Variants in ZNF407 observed in about 807,000 individuals in gnomAD.
ZNF407 encodes zinc finger protein 407.
Under a neutral mutation model 131.2 loss-of-function variants are expected in ZNF407, and 17 were observed. The observed-to-expected ratio is 0.13, with a 90% CI of 0.09 to 0.19. The LOEUF is 0.19. ZNF407 is among the 10% of genes least tolerant of loss of function. The pLI is 1.00. For missense variants in ZNF407, 2,681 were observed against 2,830.6 expected (o/e 0.95, Z 1.20); for synonymous variants, 1,156 against 1,062.0 (o/e 1.09, Z -1.72).
chr18:74,752,568 G>A (rs1200619184), intron 3 of ZNF407, among the ~76,000 whole-genome samples: 1 of 152,146 alleles, frequency 6.6e-6, no homozygotes, highest in Non-Finnish European at 1.5e-5. Flanking sequence ...GTAAGGAAGG[G>A]ATCCAGTTTC....
At chr18:74,713,416 G>T (rs1967816662) in intron 3 of ZNF407, among the ~76,000 whole-genome samples, 1 of 108,144 alleles carries the variant, frequency 9.2e-6, no homozygotes, top group Admixed American at 1.3e-4. Context: ...TATTGTGTTA[G>T]TATTATGTGA....
intron 8 of ZNF407, among the ~76,000 whole-genome samples, chr18:74,926,200 T>C (rs911157221): frequency 1.3e-5 from 2 of 152,202 alleles, no homozygotes; most frequent in Non-Finnish European, 2.9e-5. Flanking sequence ...TCAACACATT[T>C]GGTATTTTGA....
chr18:74,830,777 T>C (rs1369868862), intron 4 of ZNF407, among the ~76,000 whole-genome samples: 3 of 152,196 alleles, frequency 2.0e-5, no homozygotes, highest in Non-Finnish European at 4.4e-5. Context: ...GGACATTCAG[T>C]GTCTTCCTTG....
At chr18:74,610,528 T>C (rs797019070) in intron 1 of ZNF407, among the ~76,000 whole-genome samples, 6 of 152,252 alleles carry the variant, frequency 3.9e-5, no homozygotes, top group African/African-American at 1.2e-4. Context: ...TTTTTTAGAA[T>C]AGGACTTAAA....
At chr18:74,939,508 A>G (rs1162417354) in intron 8 of ZNF407, among the ~76,000 whole-genome samples, 1 of 152,222 alleles carries the variant, frequency 6.6e-6, no homozygotes, top group Non-Finnish European at 1.5e-5. Context: ...ATTTTTTAAA[A>G]GACGGATCTG....
chr18:74,608,831 T>G (rs188236169), intron 1 of ZNF407, among the ~76,000 whole-genome samples: 1 of 152,194 alleles, frequency 6.6e-6, no homozygotes, highest in Admixed American at 6.5e-5. Flanking sequence ...GTGCATCATA[T>G]GAGGAGGTAT....
chr18:75,064,571 G>A lies in ZNF407; in HGVS notation c.*103G>A. Reference sequence around the variant, plus strand: ...TCATCTGAAACCTTCAAAACCATGAGGACAAGGCTCCCGTGAGCTCTGAGC... The same window carrying A: ...TCATCTGAAACCTTCAAAACCATGAAGACAAGGCTCCCGTGAGCTCTGAGC... On this transcript the variant is annotated 3_prime_UTR_variant, in exon 9 of 9. Coordinates refer to ENST00000299687, the MANE Select transcript of ZNF407 (RefSeq NM_017757.3). The A allele has an allele frequency of 9.0e-7, 1 of 1,113,454 alleles. No homozygotes were observed. The highest frequency in any genetic ancestry group is 1.2e-6 in the Non-Finnish European group (1 of 805,134). The allele number at this position is 1,113,454 out of a possible 1,614,324, so 69.0% of individuals were successfully genotyped here.
chr18:74,958,585 C>T (rs1206322179), intron 8 of ZNF407, among the ~76,000 whole-genome samples: 4 of 152,006 alleles, frequency 2.6e-5, no homozygotes, highest in Non-Finnish European at 4.4e-5. Flanking sequence ...TTGGGTTTGA[C>T]GAGGAGTCCG....
At chr18:75,007,024 C>T (rs929446139) in intron 8 of ZNF407, among the ~76,000 whole-genome samples, 1 of 151,610 alleles carries the variant, frequency 6.6e-6, no homozygotes, top group South Asian at 2.1e-4. Context: ...TCACATGATG[C>T]CTCTTTTTCA....
chr18:74,828,171 G>A (rs1241960690), intron 4 of ZNF407, among the ~76,000 whole-genome samples: 1 of 152,174 alleles, frequency 6.6e-6, no homozygotes, highest in African/African-American at 2.4e-5. Flanking sequence ...GACGACCAGA[G>A]TGAGATTCTT....
At chr18:74,904,231 T>C (rs1234549538) in intron 7 of ZNF407, among the ~76,000 whole-genome samples, 1 of 152,238 alleles carries the variant, frequency 6.6e-6, no homozygotes, top group African/African-American at 2.4e-5. Context: ...AAGTTTTATT[T>C]TACTTCTATG....
chr18:74,795,365 G>A lies in ZNF407; in HGVS notation c.4877+13863G>A, dbSNP rs189591275. Among the ~76,000 whole-genome samples, 499 of 152,212 alleles carry A rather than the reference G, an allele frequency of 3.3e-3. 2 individuals carry two copies. Among genetic ancestry groups the A allele is most frequent in the African/African-American group, 0.011 (459 of 41,526 alleles). On this transcript the variant is annotated intron_variant, in intron 4 of 8. Coordinates refer to ENST00000299687, the MANE Select transcript of ZNF407 (RefSeq NM_017757.3). ...TTTGTCATTCTATAACATTTTAAAA[G>A]TAAAGTTCATTTTAACTCTACTACA...
At chr18:74,927,251 A>G (rs907493779) in intron 8 of ZNF407, among the ~76,000 whole-genome samples, 8 of 152,346 alleles carry the variant, frequency 5.3e-5, no homozygotes, top group South Asian at 4.1e-4. Flanking sequence ...GTGTGGCTCT[A>G]TAAAATTCTC....
intron 4 of ZNF407, among the ~76,000 whole-genome samples, chr18:74,802,629 C>T (rs1970039091): frequency 6.6e-6 from 1 of 152,096 alleles, no homozygotes; most frequent in Non-Finnish European, 1.5e-5. Flanking sequence ...CTTACTCTTC[C>T]TTTTTGTTAA....
At chr18:74,790,503 G>T (rs1430521414) in intron 4 of ZNF407, among the ~76,000 whole-genome samples, 1 of 152,090 alleles carries the variant, frequency 6.6e-6, no homozygotes, top group East Asian at 1.9e-4. Context: ...AAGAATTTAG[G>T]TGTTTTTCTT....
intron 3 of ZNF407, among the ~76,000 whole-genome samples, chr18:74,741,606 A>G (rs902982153): frequency 1.6e-4 from 24 of 152,158 alleles, no homozygotes; most frequent in African/African-American, 5.5e-4. Flanking sequence ...AACAAAGGAC[A>G]GTGTGGTGTA....
rs932389279 is a variant in ZNF407 at position 74,600,572 on chromosome 18, A to G, written c.-54+2635A>G. On this transcript the variant is annotated intron_variant, in intron 1 of 8. Coordinates refer to ENST00000299687, the MANE Select transcript of ZNF407 (RefSeq NM_017757.3). ...ATAGAAGGAAGCTTGGGCTGTGGGT[A>G]GCCCTAAAAGCAAAAATGTCCAGCA... Among the ~76,000 whole-genome samples the G allele has an allele frequency of 7.2e-5, 11 of 152,342 alleles. 1 individual carries two copies. The highest frequency in any genetic ancestry group is 2.6e-4 in the African/African-American group (11 of 41,590).
chr18:74,646,610 T>C (rs1157882165), intron 3 of ZNF407, among the ~76,000 whole-genome samples: 2 of 152,264 alleles, frequency 1.3e-5, no homozygotes, highest in African/African-American at 4.8e-5. Flanking sequence ...ATTCCTCTGA[T>C]GTTAGAATCC....
At position 74,769,794 on chromosome 18, in the gene ZNF407, T is replaced by G. The variant is rs553129527; in HGVS notation, c.4803-11634T>G. ...AACTTCTACTATCTGTGTCTCAAACTCAAAAATAATATACACTTTCATCAC... is the reference window on the plus strand; with the variant it reads ...AACTTCTACTATCTGTGTCTCAAACGCAAAAATAATATACACTTTCATCAC... On this transcript the variant is annotated intron_variant, in intron 3 of 8. Coordinates refer to ENST00000299687, the MANE Select transcript of ZNF407 (RefSeq NM_017757.3). Among the ~76,000 whole-genome samples, 7 of 152,296 alleles carry G rather than the reference T, an allele frequency of 4.6e-5. No individual in the cohort carries two copies. The East Asian group carries it at 1.3e-3, about 29-fold the overall frequency.
Sources: allele counts gnomAD v4.1 joint callset (sites outside exome capture counted in the v4.1 genomes callset), GRCh38; gene constraint gnomAD v4.1.1; transcripts MANE v1.5; gene names NCBI Gene and HGNC (gene_info 2026-07-23, HGNC 2026-07-21).